WDR82: variants seen among roughly 807,000 people sequenced by gnomAD.
WDR82 encodes WD repeat-containing protein 82.
WDR82 carries 8 observed loss-of-function variants against 36.1 expected under a neutral mutation model. The ratio of observed to expected loss-of-function variants is 0.22; its 90% CI spans 0.13 to 0.40. The LOEUF (loss-of-function observed/expected upper bound fraction) is 0.40, where lower values mean the gene tolerates loss of function less well. WDR82 is among the 10% of genes least tolerant of loss of function. WDR82 has a pLI of 1.00. For missense variants in WDR82, 185 were observed against 400.5 expected, an observed-to-expected ratio of 0.46 and a Z score of 4.59; for synonymous variants, 129 against 137.8, an observed-to-expected ratio of 0.94 and a Z score of 0.45.
chr3:52,268,756 G>A (rs1483179996), intron 2 of WDR82, among the ~76,000 whole-genome samples: 3 of 151,240 alleles, frequency 2.0e-5, no homozygotes, highest in Non-Finnish European at 4.4e-5. Context: ...AAGGACTTCC[G>A]CCCATTCTGC....
intron 3 of WDR82, among the ~76,000 whole-genome samples, chr3:52,266,499 GCGAT>G (rs1700108187): frequency 6.6e-6 from 1 of 152,048 alleles, no homozygotes; most frequent in Non-Finnish European, 1.5e-5. Context: ...GTGCAGTGGC[GCGAT>G]CTCGGCTCAT....
chr3:52,261,506 T>C, intron 3 of WDR82, 27 bp from the exon 4 acceptor site: 1 of 1,596,948 alleles, frequency 6.3e-7, no homozygotes, highest in East Asian at 2.3e-5. Context: ...TAAATAGGAG[T>C]TGATGCGAAA....
chr3:52,261,400 G>C lies in WDR82; in HGVS notation c.406C>G (p.Leu136Val). ...ATTACCTGGCAGTTAGGAGACCGGA[G>C]ATCCCAGAGTCGAATGGTCTTATCA... The part of the protein sequence containing the change: ...SLDKTIRLWD[L>V]RSPNCQGLMH... Residue 136 changes from leucine to valine, a missense_variant, in exon 4 of 9, where the codon CTC becomes GTC. By Grantham distance (32) the Leu-to-Val change is conservative. This residue lies in a region of WDR82 where 26 missense variants were observed against 107.4 expected (regional missense o/e 0.24). Transcript: ENST00000296490. 6.2e-7 allele frequency: 1 copy of C among 1,611,602 alleles called. No individual in the cohort carries two copies. Among genetic ancestry groups the C allele is most frequent in the African/African-American group, 1.3e-5 (1 of 74,742 alleles).
chr3:52,268,759 C>T (rs1254365373), intron 2 of WDR82, among the ~76,000 whole-genome samples: 1 of 151,824 alleles, frequency 6.6e-6, no homozygotes, highest in Admixed American at 6.6e-5. Context: ...GACTTCCGCC[C>T]ATTCTGCTCT....
At chr3:52,273,855 C>G (rs982536786) in intron 1 of WDR82, among the ~76,000 whole-genome samples, 7 of 152,142 alleles carry the variant, frequency 4.6e-5, no homozygotes, top group African/African-American at 1.7e-4. Flanking sequence ...ACTCCTGACC[C>G]AGGCGATCCA....
intron 2 of WDR82, chr3:52,267,814 A>T (rs1700119205): frequency 6.5e-6 from 1 of 153,176 alleles, no homozygotes; most frequent in Non-Finnish European, 1.5e-5. Context: ...TGCCATAAAG[A>T]ATAAAACTGC....
intron 2 of WDR82, among the ~76,000 whole-genome samples, chr3:52,268,934 C>T (rs775708449): frequency 1.8e-4 from 28 of 152,110 alleles, no homozygotes; most frequent in Non-Finnish European, 2.8e-4. Flanking sequence ...CCCACCTCAG[C>T]CTTACAAGTG....
At chr3:52,259,989 C>A in intron 5 of WDR82, 117 bp from the exon 6 acceptor site, 5 of 1,247,170 alleles carry the variant, frequency 4.0e-6, no homozygotes, top group Non-Finnish European at 5.5e-6. Flanking sequence ...GAATGAGCTA[C>A]TTCTCTGCCA....
chr3:52,270,812 G>C lies in WDR82; in HGVS notation c.162-3C>G. The C allele has an allele frequency of 6.3e-7, 1 of 1,582,718 alleles. No homozygotes were observed. Among genetic ancestry groups the C allele is most frequent in the Non-Finnish European group, 8.6e-7 (1 of 1,165,412 alleles). On this transcript the variant is annotated splice_polypyrimidine_tract_variant and splice_region_variant and intron_variant, in intron 1 of 8. Coordinates refer to ENST00000296490, the MANE Select transcript of WDR82 (RefSeq NM_025222.4). ...TACTGTACAGGGTTCTCTTTGGTCT[G>C]ATAAGAAAATAGAGACAGAAAATCA...
chr3:52,260,394 A>C lies in WDR82; in HGVS notation c.534T>G (p.Ser178=), dbSNP rs1700050985. The C allele has an allele frequency of 6.4e-7, 1 of 1,557,422 alleles. No homozygotes were observed. The highest frequency in any genetic ancestry group is 8.6e-7 in the Non-Finnish European group (1 of 1,160,256). ...SEMVKLYDLR[S]FDKGPFATFK... ...AGATTCAAAGATTTACCTTATCAAAAGAACGAAGGTCATAAAGCTTGACCA... is the reference window on the plus strand; with the variant it reads ...AGATTCAAAGATTTACCTTATCAAACGAACGAAGGTCATAAAGCTTGACCA... The change falls in exon 5 of 9, where the codon TCT becomes TCG. Residue 178 remains serine, a synonymous_variant. Transcript: ENST00000296490.
chr3:52,272,095 CA>C (rs1700159504), intron 1 of WDR82, among the ~76,000 whole-genome samples: 1 of 152,008 alleles, frequency 6.6e-6, no homozygotes, highest in Non-Finnish European at 1.5e-5. Flanking sequence ...ACCTCAATAA[CA>C]GACAAAAAAT....
At position 52,255,440 on chromosome 3, in the gene WDR82, G is replaced by A. The variant is rs1384351020; in HGVS notation, c.*2050C>T. Reference sequence around the variant, plus strand: ...CATTCCTACTGTGAATTTTCTACCCGGAAAAGCCAGGGGTGGGCAATAACA... The same window carrying A: ...CATTCCTACTGTGAATTTTCTACCCAGAAAAGCCAGGGGTGGGCAATAACA... On this transcript the variant is annotated 3_prime_UTR_variant, in exon 9 of 9. Transcript: ENST00000296490. The A allele has an allele frequency of 6.6e-6, 1 of 151,984 alleles. No individual in the cohort carries two copies. Among genetic ancestry groups the A allele is most frequent in the Non-Finnish European group, 1.5e-5 (1 of 68,036 alleles). The allele number at this position is 151,984 out of a possible 1,614,324, so 9.4% of individuals were successfully genotyped here.
rs1700031798 is a variant in WDR82, at chr3:52,258,525, T to TAG, written c.912+10_912+11insCT. The TAG allele has an allele frequency of 2.5e-6, 4 of 1,613,056 alleles. No individual in the cohort carries two copies. The highest frequency in any genetic ancestry group is 3.4e-6 in the Non-Finnish European group (4 of 1,179,892). ...TCCCTGAGTAGCAGATACCTCTTAC[T>TAG]GTTCACATACCATGTTGGAACACGC... is the stretch of plus-strand genomic sequence containing the variant. On this transcript the variant is annotated intron_variant, in intron 8 of 8. Transcript: ENST00000296490.
chr3:52,259,900 A>G, intron 5 of WDR82, 28 bp from the exon 6 acceptor site: 1 of 1,591,300 alleles, frequency 6.3e-7, no homozygotes, highest in East Asian at 2.2e-5. Context: ...CAGTAGCCCC[A>G]GGCATATTAA....
chr3:52,278,418 G>T lies in WDR82; in HGVS notation c.-57C>A. 1 of 1,237,866 alleles carries T rather than the reference G, an allele frequency of 8.1e-7. No individual in the cohort carries two copies. The highest frequency in any genetic ancestry group is 2.6e-5 in the South Asian group (1 of 38,180). 76.7% of individuals were successfully genotyped at this position (1,237,866 alleles called of 1,614,324 possible). On this transcript the variant is annotated 5_prime_UTR_variant, in exon 1 of 9. Transcript: ENST00000296490. ...GGGCCGGGGCGGGGCCCGGCGGCGA[G>T]CGGGCGGGCTGCCGAGGGGCCAACC...
At chr3:52,274,155 G>A (rs540757589) in intron 1 of WDR82, among the ~76,000 whole-genome samples, 6 of 152,206 alleles carry the variant, frequency 3.9e-5, no homozygotes, top group East Asian at 3.9e-4. Flanking sequence ...CTCAATGGGC[G>A]AACTCCATTG....
At chr3:52,276,629 T>C (rs1347795637) in intron 1 of WDR82, among the ~76,000 whole-genome samples, 1 of 152,162 alleles carries the variant, frequency 6.6e-6, no homozygotes, top group African/African-American at 2.4e-5. Context: ...GCACTATACA[T>C]TTCATGCAAG....
intron 8 of WDR82, among the ~76,000 whole-genome samples, chr3:52,257,937 G>C (rs1289441997): frequency 6.6e-6 from 1 of 150,716 alleles, no homozygotes; most frequent in Non-Finnish European, 1.5e-5. Context: ...TTTTTTTCTT[G>C]GTTAAAAAAA....
At chr3:52,271,372 T>G (rs1700151912) in intron 1 of WDR82, among the ~76,000 whole-genome samples, 1 of 152,196 alleles carries the variant, frequency 6.6e-6, no homozygotes, top group South Asian at 2.1e-4. Context: ...TGTGTGCAGA[T>G]TATACCGTCA....
Sources: gnomAD v4.1 joint callset for allele counts (sites outside exome capture counted in the v4.1 genomes callset) on GRCh38, gnomAD v4.1.1 for gene constraint, gnomAD v4.1.1 regional missense constraint, MANE v1.5 for transcripts, NCBI Gene and HGNC (gene_info 2026-07-23, HGNC 2026-07-21) for gene names.